Variants in EFHD2 observed in about 807,000 individuals in gnomAD.
EFHD2 encodes the protein EF-hand domain family member D2.
In EFHD2, 12 loss-of-function variants were observed where a neutral mutation model predicts 20.3. That is an observed-to-expected ratio of 0.59 (90% CI 0.38 to 0.96). The LOEUF (loss-of-function observed/expected upper bound fraction) is 0.96. Ranked by LOEUF, EFHD2 falls within the 40% of genes least tolerant of loss-of-function variation. The pLI is 0.00. For missense variants in EFHD2, 250 were observed against 334.3 expected, an observed-to-expected ratio of 0.75 and a Z score of 1.97; for synonymous variants, 131 against 143.9, an observed-to-expected ratio of 0.91 and a Z score of 0.64.
chr1:15,422,084 CAT>C (rs1707801182), intron 1 of EFHD2, among the ~76,000 whole-genome samples: 1 of 128,534 alleles, frequency 7.8e-6, no homozygotes, highest in African/African-American at 2.9e-5. Context: ...CAGGTCATTC[CAT>C]TTTTTTTTTT....
rs965656211 is a variant in EFHD2, at chr1:15,410,086, G to C, written c.115G>C (p.Gly39Arg). ...GAACGGGGCAGCGGCGGCGGCGGCG[G>C]GGGCACCCGACGAGGCGGCCGAGGC... ...GLNGAAAAAA[G>R]APDEAAEALG... Residue 39 changes from glycine to arginine, a missense_variant, in exon 1 of 4, where the codon GGG becomes CGG. Gly to Arg is a moderately radical substitution (Grantham distance 125). Around this residue, in one of 3 missense-constraint regions of EFHD2, gnomAD observed 143 missense variants for 190.6 expected, o/e 0.75. Transcript: ENST00000375980. The C allele has an allele frequency of 7.1e-7, 1 of 1,417,528 alleles. No individual in the cohort carries two copies. The highest frequency in any genetic ancestry group is 9.2e-7 in the Non-Finnish European group (1 of 1,091,166). 87.8% of individuals were successfully genotyped at this position (1,417,528 alleles called of 1,614,324 possible).
At chr1:15,415,970 G>A (rs923132840) in intron 1 of EFHD2, among the ~76,000 whole-genome samples, 1 of 152,094 alleles carries the variant, frequency 6.6e-6, no homozygotes, top group South Asian at 2.1e-4. Flanking sequence ...GCCTCCGAGA[G>A]CCTTAGAGAG....
intron 1 of EFHD2, among the ~76,000 whole-genome samples, chr1:15,425,215 C>G (rs186484872): frequency 2.6e-5 from 4 of 152,198 alleles, no homozygotes; most frequent in African/African-American, 9.6e-5. Context: ...CCTGATCCAC[C>G]CTGCCGTGGT....
At chr1:15,422,085 A>AC (rs1707801246) in intron 1 of EFHD2, among the ~76,000 whole-genome samples, 2 of 86,634 alleles carry the variant, frequency 2.3e-5, no homozygotes, top group African/African-American at 9.1e-5. Context: ...AGGTCATTCC[A>AC]TTTTTTTTTT....
rs1470641837 is a variant in EFHD2 at position 15,428,766 on chromosome 1, T to C, written c.*42T>C. The C allele has an allele frequency of 6.4e-7, 1 of 1,552,720 alleles. No homozygotes were observed. Among genetic ancestry groups the C allele is most frequent in the East Asian group, 2.4e-5 (1 of 41,202 alleles). On this transcript the variant is annotated 3_prime_UTR_variant, in exon 4 of 4. Transcript: ENST00000375980. ...CCGCCCTGCTCCGGCCCCAGTGTGG[T>C]GGGCGAGGGTGGCGCATGGGAGGCC...
At chr1:15,422,242 G>A (rs1033093166) in intron 1 of EFHD2, among the ~76,000 whole-genome samples, 5 of 151,928 alleles carry the variant, frequency 3.3e-5, no homozygotes, top group African/African-American at 1.2e-4. Flanking sequence ...ACAGGTGCCT[G>A]CCACCATGCC....
At chr1:15,414,155 C>G (rs1397006571) in intron 1 of EFHD2, among the ~76,000 whole-genome samples, 1 of 152,226 alleles carries the variant, frequency 6.6e-6, no homozygotes, top group Non-Finnish European at 1.5e-5. Flanking sequence ...CCCTAGATCC[C>G]TGTCTCCCGC....
At chr1:15,415,658 T>C (rs1707652810) in intron 1 of EFHD2, among the ~76,000 whole-genome samples, 1 of 151,906 alleles carries the variant, frequency 6.6e-6, no homozygotes, top group Non-Finnish European at 1.5e-5. Context: ...CTGGCTAATT[T>C]TTGTATTTTT....
In EFHD2 at chr1:15,428,589, G is replaced by T; in HGVS notation, c.592-4G>T. 6.2e-7 allele frequency: 1 copy of T among 1,610,088 alleles called. No homozygotes were observed. Among genetic ancestry groups the T allele is most frequent in the African/African-American group, 1.3e-5 (1 of 74,912 alleles). On this transcript the variant is annotated splice_polypyrimidine_tract_variant and splice_region_variant and intron_variant, in intron 3 of 3. Transcript: ENST00000375980. The stretch of plus-strand genomic sequence containing the variant: ...CTGACCCCCTCACCCCCATGCCCCC[G>T]CAGGTCCAGGCCATCAACGTGTCCA...
chr1:15,427,618 C>T (rs925082243), intron 3 of EFHD2, among the ~76,000 whole-genome samples: 1 of 152,228 alleles, frequency 6.6e-6, no homozygotes, highest in Admixed American at 6.5e-5. Flanking sequence ...ACAGCACTGG[C>T]TCTCCAGGGT....
chr1:15,416,081 C>T (rs903433139), intron 1 of EFHD2, among the ~76,000 whole-genome samples: 4 of 152,164 alleles, frequency 2.6e-5, no homozygotes, highest in Non-Finnish European at 5.9e-5. Context: ...GGTCCTTACT[C>T]CGTTCCTCCC....
chr1:15,420,215 C>A (rs1022955450), intron 1 of EFHD2, among the ~76,000 whole-genome samples: 2 of 152,178 alleles, frequency 1.3e-5, no homozygotes, highest in Non-Finnish European at 2.9e-5. Flanking sequence ...ATATGATGTG[C>A]ATATGTGACA....
chr1:15,411,057 C>T (rs1707491882), intron 1 of EFHD2, among the ~76,000 whole-genome samples: 1 of 152,048 alleles, frequency 6.6e-6, no homozygotes, highest in Admixed American at 6.5e-5. Flanking sequence ...TCACTCCAGT[C>T]GTCCCTGTGG....
At chr1:15,419,040 G>A (rs151318902) in intron 1 of EFHD2, among the ~76,000 whole-genome samples, 20 of 152,382 alleles carry the variant, frequency 1.3e-4, no homozygotes, top group African/African-American at 4.1e-4. Context: ...AGATTATGAC[G>A]TGGGGCTCAC....
In EFHD2 at chr1:15,410,144, A is replaced by G; in HGVS notation, c.173A>G (p.Lys58Arg). ...AGCGCGGACTGCGAGCTGAGCGCCA[A>G]GCTGCTGCGGCGCGCAGACCTCAAC... Reference protein sequence around the residue: ...LGSADCELSAKLLRRADLNQG... With the variant: ...LGSADCELSARLLRRADLNQG... The change falls in exon 1 of 4, where the codon AAG becomes AGG. Residue 58 changes from lysine to arginine, a missense_variant. By Grantham distance (26) the Lys-to-Arg change is conservative (BLOSUM62 2). This residue lies in a region of EFHD2 where 143 missense variants were observed against 190.6 expected (regional missense o/e 0.75). Coordinates refer to ENST00000375980, the MANE Select transcript of EFHD2 (RefSeq NM_024329.6). 1 of 1,593,998 alleles carries G rather than the reference A, an allele frequency of 6.3e-7. No homozygotes were observed. The highest frequency in any genetic ancestry group is 8.5e-7 in the Non-Finnish European group (1 of 1,172,476).
At chr1:15,414,393 G>A (rs906987496) in intron 1 of EFHD2, among the ~76,000 whole-genome samples, 2 of 152,258 alleles carry the variant, frequency 1.3e-5, no homozygotes, top group Non-Finnish European at 2.9e-5. Flanking sequence ...TGCAGCCCTG[G>A]GTTTGAATAC....
intron 1 of EFHD2, among the ~76,000 whole-genome samples, chr1:15,418,637 G>GC (rs1553132498): frequency 9.1e-4 from 43 of 47,030 alleles, no homozygotes; most frequent in Non-Finnish European, 1.6e-3. Context: ...GCCAAGATAG[G>GC]CCCCCCCTTA....
rs1157986728 is a variant in EFHD2 at position 15,409,938 on chromosome 1, G to A, written c.-34G>A. The A allele has an allele frequency of 1.6e-6, 2 of 1,218,782 alleles. No homozygotes were observed. The highest frequency in any genetic ancestry group is 4.4e-5 in the Admixed American group (1 of 22,586). The allele number at this position is 1,218,782 out of a possible 1,614,324, so 75.5% of individuals were successfully genotyped here. A position where few individuals can be genotyped will look rare whatever the true frequency, so the allele number is the denominator to read the frequency against. ...GCCGGCGGCGCTGCGCTGAGAGCAG[G>A]GGCCCGGCCAAGGCGAGTGCCGCGC... On this transcript the variant is annotated 5_prime_UTR_variant, in exon 1 of 4. Transcript: ENST00000375980.
At chr1:15,428,502 A>T (rs1707910020) in intron 3 of EFHD2, 91 bp from the exon 4 acceptor site, 1 of 1,453,432 alleles carries the variant, frequency 6.9e-7, no homozygotes, top group Non-Finnish European at 9.2e-7. Flanking sequence ...GTCTCAGAAA[A>T]ATTAAAGAAA....
Sources: gnomAD v4.1 joint callset for allele counts (sites outside exome capture counted in the v4.1 genomes callset) on GRCh38, gnomAD v4.1.1 for gene constraint, gnomAD v4.1.1 regional missense constraint, MANE v1.5 for transcripts, NCBI Gene and HGNC (gene_info 2026-07-23, HGNC 2026-07-21) for gene names.